SPAG16: variants seen among roughly 807,000 people sequenced by gnomAD.
SPAG16 encodes the protein sperm-associated antigen 16 protein.
In SPAG16, 86 loss-of-function variants were observed where a neutral mutation model predicts 80.4. The observed-to-expected ratio is 1.07, with a 90% CI of 0.90 to 1.28. The LOEUF (loss-of-function observed/expected upper bound fraction) is 1.28, where lower values mean the gene tolerates loss of function less well. SPAG16 is among the 50% of genes most tolerant of loss of function. The pLI is 0.00. For missense variants in SPAG16, 870 were observed against 765.3 expected (o/e 1.14, Z -1.61); for synonymous variants, 294 against 265.9 (o/e 1.11, Z -1.03).
intron 15 of SPAG16, among the ~76,000 whole-genome samples, chr2:214,289,529 A>C (rs916403617): frequency 6.6e-6 from 1 of 152,158 alleles, no homozygotes; most frequent in African/African-American, 2.4e-5. Context: ...TATCAAAAAT[A>C]AGTTGGCAAT....
chr2:213,495,772 A>T (rs2074452125), intron 10 of SPAG16, among the ~76,000 whole-genome samples: 1 of 152,248 alleles, frequency 6.6e-6, no homozygotes, highest in Non-Finnish European at 1.5e-5. Flanking sequence ...GAAGTGAGAC[A>T]TGTGGAGCAC....
intron 14 of SPAG16, among the ~76,000 whole-genome samples, chr2:214,136,922 A>C (rs574956050): frequency 6.6e-6 from 1 of 152,228 alleles, no homozygotes; most frequent in East Asian, 1.9e-4. Flanking sequence ...CATTACCTTC[A>C]CATATTGAAG....
At chr2:213,922,631 A>T (rs6747847) in intron 11 of SPAG16, among the ~76,000 whole-genome samples, 35,926 of 152,176 alleles carry the variant, frequency 0.24, 4,761 homozygotes, top group East Asian at 0.4. Flanking sequence ...GAGTTCTTTC[A>T]CTGGCTTTTT....
chr2:214,033,145 C>G (rs1436549745), intron 13 of SPAG16, among the ~76,000 whole-genome samples: 1 of 152,118 alleles, frequency 6.6e-6, no homozygotes, highest in Non-Finnish European at 1.5e-5. Flanking sequence ...TGTGTAATAA[C>G]TAATAAACCG....
At chr2:214,035,195 A>G (rs1559717347) in intron 13 of SPAG16, among the ~76,000 whole-genome samples, 1 of 152,004 alleles carries the variant, frequency 6.6e-6, no homozygotes, top group African/African-American at 2.4e-5. Flanking sequence ...TGGGGCTTTT[A>G]TGGGCCTCAG....
In SPAG16 at chr2:214,337,678, T is replaced by C. The variant is rs149220805; in HGVS notation, c.1721-72462T>C. ...GGGGATGATCCAATGCTGGTTCACATTTGGCTCATGAGAGCCAATTGTGAC... is the reference window on the plus strand; with the variant it reads ...GGGGATGATCCAATGCTGGTTCACACTTGGCTCATGAGAGCCAATTGTGAC... On this transcript the variant is annotated intron_variant, in intron 15 of 15. Coordinates refer to ENST00000331683, the MANE Select transcript of SPAG16 (RefSeq NM_024532.5). Among the ~76,000 whole-genome samples, 1,347 of 152,306 alleles carry C rather than the reference T, an allele frequency of 8.8e-3. 12 individuals are homozygous for C. The highest frequency in any genetic ancestry group is 0.014 in the Non-Finnish European group (973 of 68,004).
At chr2:213,337,541 AGCT>A (rs2064432561) in intron 5 of SPAG16, among the ~76,000 whole-genome samples, 1 of 152,234 alleles carries the variant, frequency 6.6e-6, no homozygotes, top group Non-Finnish European at 1.5e-5. Flanking sequence ...TACCTGATCA[AGCT>A]GAGAAACACA....
chr2:213,686,406 G>A (rs2064674596), intron 10 of SPAG16, among the ~76,000 whole-genome samples: 1 of 151,628 alleles, frequency 6.6e-6, no homozygotes, highest in South Asian at 2.1e-4. Context: ...ATGAGCCAAA[G>A]CGCCCGGCTG....
At chr2:214,294,173 A>T (rs928878927) in intron 15 of SPAG16, among the ~76,000 whole-genome samples, 2 of 152,144 alleles carry the variant, frequency 1.3e-5, no homozygotes, top group Non-Finnish European at 2.9e-5. Context: ...GCCTCTGCGC[A>T]ATCTGTAGGC....
intron 15 of SPAG16, among the ~76,000 whole-genome samples, chr2:214,271,580 C>T (rs1484975658): frequency 2.6e-5 from 4 of 152,162 alleles, no homozygotes; most frequent in Admixed American, 6.5e-5. Context: ...GCGGGTGGAT[C>T]ACCTGAGGTC....
At chr2:214,044,495 A>G (rs1489079508) in intron 13 of SPAG16, among the ~76,000 whole-genome samples, 1 of 152,274 alleles carries the variant, frequency 6.6e-6, no homozygotes, top group Non-Finnish European at 1.5e-5. Flanking sequence ...GAAGAATATA[A>G]AGCTTCATCC....
chr2:214,387,477 A>G (rs1219063559), intron 15 of SPAG16, among the ~76,000 whole-genome samples: 1 of 152,220 alleles, frequency 6.6e-6, no homozygotes, highest in African/African-American at 2.4e-5. Context: ...ACCAAAGGTG[A>G]TATTATTCCA....
intron 10 of SPAG16, among the ~76,000 whole-genome samples, chr2:213,634,937 C>CATAT (rs139895364): frequency 1.3e-5 from 2 of 150,840 alleles, no homozygotes; most frequent in Admixed American, 6.6e-5. Flanking sequence ...TTATTTCACT[C>CATAT]ATATATATAT....
chr2:214,239,187 T>G (rs1689293046), intron 15 of SPAG16: 1 of 152,138 alleles, frequency 6.6e-6, no homozygotes. Flanking sequence ...AGCACCACCA[T>G]GCCTGGCTAA....
chr2:213,886,299 T>C (rs1347564516), intron 11 of SPAG16, among the ~76,000 whole-genome samples: 1 of 152,140 alleles, frequency 6.6e-6, no homozygotes, highest in African/African-American at 2.4e-5. Context: ...TTCTGGTTTC[T>C]ATGTCCTGCC....
At chr2:213,360,379 G>C (rs1424429921) in intron 7 of SPAG16, among the ~76,000 whole-genome samples, 2 of 152,180 alleles carry the variant, frequency 1.3e-5, no homozygotes, top group Non-Finnish European at 2.9e-5. Context: ...TGCAAAAGGT[G>C]GAAGACACAT....
chr2:214,142,192 A>G (rs1223041362), intron 14 of SPAG16, among the ~76,000 whole-genome samples: 1 of 152,124 alleles, frequency 6.6e-6, no homozygotes, highest in African/African-American at 2.4e-5. Flanking sequence ...ATAGAGCCCT[A>G]TTTCTTCAAT....
At chr2:214,144,998 G>A (rs376177561) in intron 14 of SPAG16, among the ~76,000 whole-genome samples, 17 of 151,882 alleles carry the variant, frequency 1.1e-4, no homozygotes, top group African/African-American at 7.3e-5. Flanking sequence ...CACTAGCCCC[G>A]TAATCCTAAA....
chr2:213,913,708 C>T (rs2077812835), intron 11 of SPAG16, among the ~76,000 whole-genome samples: 1 of 150,410 alleles, frequency 6.6e-6, no homozygotes, highest in African/African-American at 2.5e-5. Flanking sequence ...TGTGTGTATG[C>T]ATATATATAC....
Sources: allele counts gnomAD v4.1 joint callset (sites outside exome capture counted in the v4.1 genomes callset), GRCh38; gene constraint gnomAD v4.1.1; transcripts MANE v1.5; gene names NCBI Gene and HGNC (gene_info 2026-07-23, HGNC 2026-07-21).